GLIS1: variants seen among roughly 807,000 people sequenced by gnomAD.
GLIS1 encodes the protein zinc finger protein GLIS1.
In GLIS1, 24 loss-of-function variants were observed where a neutral mutation model predicts 63.8. The observed-to-expected ratio is 0.38, with a 90% CI of 0.27 to 0.53. GLIS1 has a LOEUF of 0.53. Ranked by LOEUF, GLIS1 falls within the 20% of genes least tolerant of loss-of-function variation. The pLI, the probability that GLIS1 is intolerant of heterozygous loss-of-function variation, is 0.85. For synonymous variants in GLIS1, 450 were observed against 482.5 expected (o/e 0.93, Z 0.88); for missense variants, 1,036 against 1,074.1 (o/e 0.96, Z 0.50).
In GLIS1 at chr1:53,530,332, G is replaced by A. The variant is rs74086351; in HGVS notation, c.1321-380C>T. ...AGCACAGAGAGCTGAAATAGGGAAG[G>A]ACCCACAGCCTGGATCTGAACTGGG... On this transcript the variant is annotated intron_variant, in intron 4 of 10. Coordinates refer to ENST00000628545, the MANE Select transcript of GLIS1 (RefSeq NM_001367484.1). Among the ~76,000 whole-genome samples the A allele has an allele frequency of 8.0e-3, 1,212 of 152,314 alleles. 15 individuals are homozygous for A. The highest frequency in any genetic ancestry group is 0.028 in the African/African-American group (1,155 of 41,572).
At chr1:53,546,384 G>A (rs1245702523) in intron 4 of GLIS1, among the ~76,000 whole-genome samples, 4 of 152,250 alleles carry the variant, frequency 2.6e-5, no homozygotes, top group Non-Finnish European at 5.9e-5. Context: ...TGCAGCCTCA[G>A]CCAAATGTCT....
chr1:53,654,648 C>T (rs958658707), intron 2 of GLIS1, among the ~76,000 whole-genome samples: 1 of 152,104 alleles, frequency 6.6e-6, no homozygotes, highest in Non-Finnish European at 1.5e-5. Flanking sequence ...AGCGCAGTGT[C>T]TGGAGAACAA....
At chr1:53,728,969 T>C (rs1370743608) in intron 2 of GLIS1, among the ~76,000 whole-genome samples, 1 of 152,264 alleles carries the variant, frequency 6.6e-6, no homozygotes, top group Non-Finnish European at 1.5e-5. Flanking sequence ...GACAAACTGA[T>C]GTCTCTACAG....
intron 2 of GLIS1, among the ~76,000 whole-genome samples, chr1:53,714,024 C>T (rs1646672479): frequency 1.3e-5 from 2 of 152,208 alleles, no homozygotes; most frequent in Non-Finnish European, 2.9e-5. Context: ...CCCCATTTCC[C>T]TCCACTTTCT....
chr1:53,619,700 G>A (rs554266408), intron 2 of GLIS1, among the ~76,000 whole-genome samples: 17 of 152,320 alleles, frequency 1.1e-4, no homozygotes, highest in African/African-American at 3.1e-4. Context: ...CCCGCCAGGC[G>A]GCCCACAGGC....
intron 2 of GLIS1, among the ~76,000 whole-genome samples, chr1:53,714,322 G>A (rs1248704141): frequency 1.3e-5 from 2 of 152,238 alleles, no homozygotes; most frequent in African/African-American, 2.4e-5. Flanking sequence ...TTATAGCAGA[G>A]GGGTGCTCCA....
At position 53,691,484 on chromosome 1, in the gene GLIS1, G is replaced by A. The variant is rs181008714; in HGVS notation, c.259+46322C>T. Among the ~76,000 whole-genome samples the A allele has an allele frequency of 1.3e-3, 197 of 152,190 alleles. 1 individual carries two copies. The highest frequency in any genetic ancestry group is 0.01 in the Middle Eastern group (3 of 294). On this transcript the variant is annotated intron_variant, in intron 2 of 10. Transcript: ENST00000628545. ...AATCACTGGAGATGATGAGGACCCCGGGCCCAGGATCCCAGATTCACACGG... is the reference window on the plus strand; with the variant it reads ...AATCACTGGAGATGATGAGGACCCCAGGCCCAGGATCCCAGATTCACACGG...
At chr1:53,594,066 C>G (rs771427108) in intron 4 of GLIS1, 42 bp downstream of exon 4, 1 of 1,569,136 alleles carries the variant, frequency 6.4e-7, no homozygotes, top group Non-Finnish European at 8.7e-7. Context: ...GCTGCTCTGC[C>G]AGAGGGGCTG....
intron 2 of GLIS1, among the ~76,000 whole-genome samples, chr1:53,623,245 A>G (rs755039837): frequency 3.3e-5 from 5 of 152,352 alleles, no homozygotes; most frequent in Non-Finnish European, 7.4e-5. Flanking sequence ...TGAGGTTTAG[A>G]GAGTATAAGG....
intron 5 of GLIS1, among the ~76,000 whole-genome samples, chr1:53,525,192 C>T (rs1399994088): frequency 6.6e-6 from 1 of 151,950 alleles, no homozygotes; most frequent in East Asian, 2.0e-4. Context: ...AGGTCAGACC[C>T]TGGCTCTGAG....
intron 2 of GLIS1, among the ~76,000 whole-genome samples, chr1:53,714,295 A>G (rs1019317184): frequency 1.3e-5 from 2 of 152,242 alleles, no homozygotes; most frequent in African/African-American, 4.8e-5. Context: ...CTACATAAAC[A>G]TGAGAACAGC....
chr1:53,629,681 G>A (rs1259194831), intron 2 of GLIS1, among the ~76,000 whole-genome samples: 1 of 152,194 alleles, frequency 6.6e-6, no homozygotes, highest in Admixed American at 6.5e-5. Context: ...CTTGTCATCA[G>A]GATCACCTTC....
chr1:53,610,014 T>C (rs1332498069), intron 2 of GLIS1, among the ~76,000 whole-genome samples: 1 of 152,256 alleles, frequency 6.6e-6, no homozygotes, highest in Non-Finnish European at 1.5e-5. Flanking sequence ...ACCACCATTG[T>C]ATATGTAGTC....
chr1:53,510,361 G>C (rs887058649), intron 8 of GLIS1, among the ~76,000 whole-genome samples: 9 of 152,220 alleles, frequency 5.9e-5, no homozygotes, highest in Admixed American at 2.0e-4. Context: ...TCTGAGCCCT[G>C]GTTTCCTGGA....
intron 1 of GLIS1, among the ~76,000 whole-genome samples, chr1:53,738,772 C>T (rs965801495): frequency 6.6e-6 from 1 of 152,200 alleles, no homozygotes; most frequent in Non-Finnish European, 1.5e-5. Flanking sequence ...CGCAAACCGG[C>T]ACAGTGGGCA....
intron 4 of GLIS1, among the ~76,000 whole-genome samples, chr1:53,534,085 T>G (rs561664): frequency 5.3e-5 from 8 of 151,580 alleles, no homozygotes; most frequent in African/African-American, 1.5e-4. Flanking sequence ...TTGGGGTGGG[T>G]GTGGCTTGAA....
chr1:53,532,812 G>T (rs920232982), intron 4 of GLIS1, among the ~76,000 whole-genome samples: 1 of 152,246 alleles, frequency 6.6e-6, no homozygotes, highest in African/African-American at 2.4e-5. Context: ...TCTCCCCGAG[G>T]TCTGTGTATT....
intron 2 of GLIS1, among the ~76,000 whole-genome samples, chr1:53,692,693 G>C (rs1164784660): frequency 6.6e-6 from 1 of 152,224 alleles, no homozygotes; most frequent in African/African-American, 2.4e-5. Context: ...TGACCCAGGT[G>C]GGGGTGAGTT....
chr1:53,625,580 C>T (rs1244689982), intron 2 of GLIS1, among the ~76,000 whole-genome samples: 5 of 152,196 alleles, frequency 3.3e-5, no homozygotes, highest in African/African-American at 1.2e-4. Context: ...CTTGTCTCCC[C>T]ATCTTAGATG....
Sources: allele counts gnomAD v4.1 joint callset (sites outside exome capture counted in the v4.1 genomes callset), GRCh38; gene constraint gnomAD v4.1.1; transcripts MANE v1.5; gene names NCBI Gene and HGNC (gene_info 2026-07-23, HGNC 2026-07-21).